SP140L: variants seen among roughly 807,000 people sequenced by gnomAD.
SP140L encodes the protein nuclear body protein SP140-like protein.
SP140L carries 64 observed loss-of-function variants against 84.3 expected under a neutral mutation model. The ratio of observed to expected loss-of-function variants is 0.76; its 90% CI spans 0.62 to 0.94. The LOEUF is 0.94. Ranked by LOEUF, SP140L falls within the 40% of genes least tolerant of loss-of-function variation. The pLI is 0.00. For missense variants in SP140L, 628 were observed against 692.5 expected, an observed-to-expected ratio of 0.91 and a Z score of 1.05; for synonymous variants, 242 against 236.9, an observed-to-expected ratio of 1.02 and a Z score of -0.20.
In SP140L at chr2:230,402,783, A is replaced by G; in HGVS notation, c.1645-15A>G. 2.5e-6 allele frequency: 4 copies of G among 1,598,966 alleles called. No individual in the cohort carries two copies. The highest frequency in any genetic ancestry group is 1.7e-6 in the Non-Finnish European group (2 of 1,167,890). ...GATAAGGAACATCGTTTTTGTCTTT[A>G]TTACTTTTTTCCAGTATAAGGATTT... On this transcript the variant is annotated splice_polypyrimidine_tract_variant and intron_variant, in intron 18 of 18. Transcript: ENST00000415673.
In SP140L at chr2:230,371,649, G is replaced by A. The variant is rs994812582; in HGVS notation, c.635G>A (p.Arg212Lys). 1 of 1,597,514 alleles carries A rather than the reference G, an allele frequency of 6.3e-7. No individual in the cohort carries two copies. The highest frequency in any genetic ancestry group is 1.3e-5 in the African/African-American group (1 of 74,386). ...ACTTTGGGAAAACCCAAGAGGAAAA[G>A]AAGTAAGAATAAATAAGAATTTACT... The part of the protein sequence containing the change: ...NSTLGKPKRK[R>K]RKKKGHGWSR... Residue 212 changes from arginine to lysine, a missense_variant and splice_region_variant, in exon 7 of 19, where the codon AGA becomes AAA. By Grantham distance (26) the Arg-to-Lys change is conservative. Transcript: ENST00000415673.
In SP140L at chr2:230,393,457, A is replaced by G. The variant is rs2149814133; in HGVS notation, c.1151A>G (p.Lys384Arg). Residue 384 changes from lysine (K) to arginine (R), a missense_variant, in exon 13 of 19, where the codon AAA (lysine) becomes AGA (arginine). By Grantham distance (26) the Lys-to-Arg change is conservative. Coordinates refer to ENST00000415673, the MANE Select transcript of SP140L (RefSeq NM_138402.6). The stretch of plus-strand genomic sequence containing the variant: ...CCTCCAAGAATATATTACAGGAACA[A>G]AAAGGTGATTATTACATAATTTTCT... ...PNPPRIYYRNKKRILKSQNNS... is the reference protein window; with the variant it reads ...PNPPRIYYRNRKRILKSQNNS... 2.5e-6 allele frequency: 4 copies of G among 1,574,854 alleles called. No homozygotes were observed. The highest frequency in any genetic ancestry group is 3.4e-6 in the Non-Finnish European group (4 of 1,162,744).
chr2:230,339,554 C>G (rs905075644), intron 2 of SP140L, among the ~76,000 whole-genome samples: 1 of 146,352 alleles, frequency 6.8e-6, no homozygotes, highest in Non-Finnish European at 1.5e-5. Flanking sequence ...AATGTGTTTG[C>G]TCTTGCTTTT....
intron 2 of SP140L, among the ~76,000 whole-genome samples, chr2:230,341,187 A>T (rs1398296964): frequency 7.3e-6 from 1 of 137,292 alleles, no homozygotes; most frequent in Non-Finnish European, 1.6e-5. Flanking sequence ...GGCTTTGCTC[A>T]TTTCTTTTTA....
At chr2:230,391,890 A>G in intron 11 of SP140L, 197 bp from the exon 12 acceptor site, 1 of 621,012 alleles carries the variant, frequency 1.6e-6, no homozygotes, top group Non-Finnish European at 2.7e-6. Context: ...AGACATGTGC[A>G]CCCCCACCAG....
chr2:230,395,962 C>G (rs146025394), intron 13 of SP140L, among the ~76,000 whole-genome samples: 1 of 152,332 alleles, frequency 6.6e-6, no homozygotes, highest in East Asian at 1.9e-4. Flanking sequence ...AGGGCTGTGT[C>G]CCTAGGGGAG....
At chr2:230,329,082 CA>C (rs2059656832) in intron 2 of SP140L, among the ~76,000 whole-genome samples, 1 of 152,148 alleles carries the variant, frequency 6.6e-6, no homozygotes, top group Non-Finnish European at 1.5e-5. Context: ...ATCTTATTAA[CA>C]GCTTAAAATT....
At chr2:230,387,041 G>A (rs1312305869) in intron 9 of SP140L, among the ~76,000 whole-genome samples, 2 of 152,168 alleles carry the variant, frequency 1.3e-5, no homozygotes, top group Non-Finnish European at 2.9e-5. Flanking sequence ...GAGTCCACTT[G>A]GCATCTTGCG....
intron 5 of SP140L, among the ~76,000 whole-genome samples, chr2:230,368,473 G>A (rs9653271): frequency 6.6e-6 from 1 of 151,894 alleles, no homozygotes; most frequent in African/African-American, 2.4e-5. Context: ...TTGACCTTCT[G>A]GTACCTGAAG....
chr2:230,355,507 A>C (rs1300778283), intron 2 of SP140L, among the ~76,000 whole-genome samples: 1 of 152,210 alleles, frequency 6.6e-6, no homozygotes, highest in African/African-American at 2.4e-5. Context: ...AATCAAACCC[A>C]AGAAAAATCC....
chr2:230,383,189 C>G (rs1191259232), intron 7 of SP140L, among the ~76,000 whole-genome samples: 1 of 152,188 alleles, frequency 6.6e-6, no homozygotes, highest in Non-Finnish European at 1.5e-5. Flanking sequence ...TGAATTTACA[C>G]AACAAACACT....
At chr2:230,378,145 C>T (rs924518987) in intron 7 of SP140L, among the ~76,000 whole-genome samples, 2 of 152,120 alleles carry the variant, frequency 1.3e-5, no homozygotes, top group African/African-American at 2.4e-5. Context: ...AGGTCTATTA[C>T]TTGACTTTTT....
chr2:230,358,479 G>A (rs2060616059), intron 3 of SP140L, among the ~76,000 whole-genome samples: 1 of 152,092 alleles, frequency 6.6e-6, no homozygotes, highest in African/African-American at 2.4e-5. Flanking sequence ...GGCCCTGTTG[G>A]AGATACAGAA....
In SP140L at chr2:230,357,898, A is replaced by C. The variant is rs778898960; in HGVS notation, c.201A>C (p.Ala67=). 8 of 1,613,998 alleles carry C rather than the reference A, an allele frequency of 5.0e-6. No homozygotes were observed. The part of the protein sequence containing the change: ...FKRHKLEISN[A]IKKTFPFLEG... The stretch of plus-strand genomic sequence containing the variant: ...GACATAAGCTGGAGATATCAAATGC[A>C]ATAAAAAAGACATTTCCATTCCTTG... Residue 67 remains alanine, a synonymous_variant, in exon 3 of 19, where the codon GCA becomes GCC. Coordinates refer to ENST00000415673, the MANE Select transcript of SP140L (RefSeq NM_138402.6).
At position 230,359,243 on chromosome 2, in the gene SP140L, G is replaced by A. The variant is rs555008892; in HGVS notation, c.439+111G>A. The A allele has an allele frequency of 1.1e-4, 105 of 941,952 alleles. No homozygotes were observed. The African/African-American group carries it at 1.6e-3, about 14-fold the overall frequency. The allele number at this position is 941,952 out of a possible 1,614,324, so 58.3% of individuals were successfully genotyped here. On this transcript the variant is annotated intron_variant, in intron 4 of 18. Transcript: ENST00000415673. The stretch of plus-strand genomic sequence containing the variant: ...CATTGTGTTGGGCAGTGGGCATAGA[G>A]TAGTTAACAAAATAGACGTGTCATG...
chr2:230,397,122 G>A (rs917582486), intron 14 of SP140L, among the ~76,000 whole-genome samples: 6 of 152,214 alleles, frequency 3.9e-5, no homozygotes, highest in Non-Finnish European at 8.8e-5. Flanking sequence ...AATGGATAGG[G>A]CTGGCCTGGT....
intron 2 of SP140L, among the ~76,000 whole-genome samples, chr2:230,349,838 G>A (rs1323005200): frequency 1.3e-5 from 2 of 151,958 alleles, no homozygotes; most frequent in African/African-American, 2.4e-5. Flanking sequence ...GCAAAACCCC[G>A]TCTCTACTAA....
At chr2:230,346,746 A>AT (rs2060220859) in intron 2 of SP140L, among the ~76,000 whole-genome samples, 1 of 151,566 alleles carries the variant, frequency 6.6e-6, no homozygotes, top group Non-Finnish European at 1.5e-5. Context: ...AATGGTTCCT[A>AT]TTTTTTATTG....
chr2:230,378,664 C>T (rs757999542), intron 7 of SP140L, among the ~76,000 whole-genome samples: 28 of 152,270 alleles, frequency 1.8e-4, no homozygotes, highest in Middle Eastern at 6.8e-3. Context: ...GAATTGACTT[C>T]GCCAATTATT....
Sources: gnomAD v4.1 joint callset for allele counts (sites outside exome capture counted in the v4.1 genomes callset) on GRCh38, gnomAD v4.1.1 for gene constraint, MANE v1.5 for transcripts, NCBI Gene and HGNC (gene_info 2026-07-23, HGNC 2026-07-21) for gene names.